The following PITRM1 variants were observed in gnomAD, a reference collection of about 807,000 sequenced individuals.
PITRM1 encodes presequence protease, mitochondrial.
A neutral mutation model predicts 129.9 loss-of-function variants in PITRM1; 100 were observed. The observed-to-expected ratio is 0.77, with a 90% confidence interval of 0.65 to 0.91. The LOEUF (loss-of-function observed/expected upper bound fraction) is 0.91. Among genes scored for constraint, PITRM1 ranks in the 40% least tolerant of loss-of-function variants. PITRM1 has a pLI of 0.00. For missense variants in PITRM1, 1,471 were observed against 1,318.3 expected (o/e 1.12, Z -1.79); for synonymous variants, 591 against 508.8 (o/e 1.16, Z -2.17).
intron 23 of PITRM1, among the ~76,000 whole-genome samples, 160 bp from the exon 24 acceptor site, chr10:3,140,972 T>C (rs1042921757): frequency 1.3e-5 from 2 of 152,238 alleles, no homozygotes; most frequent in Non-Finnish European, 2.9e-5. Context: ...AGATGGGGTC[T>C]CGCTCTGTCG....
At chr10:3,160,602 C>T (rs778634215) in intron 7 of PITRM1, among the ~76,000 whole-genome samples, 7 of 152,014 alleles carry the variant, frequency 4.6e-5, no homozygotes, top group African/African-American at 7.2e-5. Context: ...TTTATAAATT[C>T]AACGTTCATT....
intron 4 of PITRM1, 82 bp from the exon 5 acceptor site, chr10:3,165,609 T>A: frequency 1.2e-6 from 1 of 844,530 alleles, no homozygotes; most frequent in Non-Finnish European, 2.0e-6. Context: ...ATTCCCCCTT[T>A]GTCCTAGGAC....
intron 6 of PITRM1, among the ~76,000 whole-genome samples, chr10:3,165,030 T>G (rs1842742810): frequency 6.6e-6 from 1 of 152,080 alleles, no homozygotes; most frequent in Admixed American, 6.5e-5. Flanking sequence ...ATACCAGGGG[T>G]CCCCAGACAT....
intron 14 of PITRM1, 99 bp from the exon 15 acceptor site, chr10:3,151,462 G>A (rs996179056): frequency 3.6e-5 from 27 of 748,198 alleles, no homozygotes; most frequent in Middle Eastern, 5.6e-4. Flanking sequence ...AGAATTAGCC[G>A]TCCACGCCAA....
intron 7 of PITRM1, among the ~76,000 whole-genome samples, chr10:3,161,885 C>A (rs1028082346): frequency 1.3e-5 from 2 of 151,344 alleles, no homozygotes; most frequent in African/African-American, 2.4e-5. Context: ...AAAGAACTCT[C>A]TTCTCCATGT....
intron 16 of PITRM1, chr10:3,148,744 C>T (rs1841188488): frequency 6.4e-6 from 1 of 156,898 alleles, no homozygotes; most frequent in Admixed American, 6.2e-5. Flanking sequence ...TTAAGAAAAG[C>T]AGTTTCCTCT....
chr10:3,160,016 T>C (rs1842316816), intron 8 of PITRM1, 80 bp from the exon 9 acceptor site: 6 of 1,259,306 alleles, frequency 4.8e-6, no homozygotes, highest in South Asian at 2.6e-5. Flanking sequence ...ATACACGAAA[T>C]GGAGCGAAAC....
rs377486888 is a variant in PITRM1, at chr10:3,147,540, G to A, written c.2235+32C>T. ...TAACTCTGGAATATGTGGCTAAACC[G>A]GAGTAATAGAGGTTCCTTCCAAGCT... On this transcript the variant is annotated intron_variant, in intron 19 of 26. Coordinates refer to ENST00000224949, the MANE Select transcript of PITRM1 (RefSeq NM_014889.4). The A allele has an allele frequency of 1.8e-4, 282 of 1,604,882 alleles. 1 individual carries two copies. In the African/African-American group the frequency reaches 3.0e-3, roughly 17 times the overall value.
intron 9 of PITRM1, 125 bp downstream of exon 9, chr10:3,159,723 C>T (rs1392326879): frequency 1.8e-6 from 1 of 570,478 alleles, no homozygotes; most frequent in Non-Finnish European, 3.1e-6. Context: ...CTAAAATCCA[C>T]TTAACCCCTG....
chr10:3,141,320 A>G (rs1564384660), intron 23 of PITRM1, among the ~76,000 whole-genome samples: 1 of 152,216 alleles, frequency 6.6e-6, no homozygotes, highest in Non-Finnish European at 1.5e-5. Context: ...TGGGGAGGGA[A>G]TCTTAACACT....
At chr10:3,164,982 G>A (rs1842739802) in intron 6 of PITRM1, among the ~76,000 whole-genome samples, 2 of 152,192 alleles carry the variant, frequency 1.3e-5, no homozygotes, top group Non-Finnish European at 2.9e-5. Flanking sequence ...GTAGTGGTAT[G>A]AAAATAGCTT....
intron 15 of PITRM1, among the ~76,000 whole-genome samples, chr10:3,150,824 C>T (rs1309340487): frequency 2.6e-5 from 4 of 152,158 alleles, no homozygotes; most frequent in Non-Finnish European, 4.4e-5. Context: ...TCTCCAACTT[C>T]CTTTCAACTC....
Position 3,159,928 on chromosome 10 carries a change from G to C in PITRM1, c.927C>G (p.Phe309Leu), listed in dbSNP as rs771041044. The change falls in exon 9 of 27, where the codon TTC becomes TTG. Residue 309 changes from phenylalanine (F) to leucine (L), a missense_variant. By Grantham distance (22) the Phe-to-Leu change is conservative (BLOSUM62 0). Coordinates refer to ENST00000224949, the MANE Select transcript of PITRM1 (RefSeq NM_014889.4). ...AQTPWDKPREFQITCGPDSFA... is the reference protein window; with the variant it reads ...AQTPWDKPRELQITCGPDSFA... ...ATGAATCCGGGCCACATGTTATCTG[G>C]AATTCCCTCTGTAAAATGACGTGAC... 12 of 1,596,724 alleles carry C rather than the reference G, an allele frequency of 7.5e-6. No homozygotes were observed. Among genetic ancestry groups the C allele is most frequent in the Admixed American group, 6.9e-5 (4 of 58,214 alleles).
chr10:3,163,647 C>G, intron 7 of PITRM1, 78 bp downstream of exon 7: 7 of 1,186,866 alleles, frequency 5.9e-6, no homozygotes, highest in Non-Finnish European at 8.3e-6. Context: ...GTGAGAGAAG[C>G]CATGCCATAA....
At chr10:3,144,102 TTC>T (rs1840575206) in intron 22 of PITRM1, 188 bp downstream of exon 22, 7 of 597,446 alleles carry the variant, frequency 1.2e-5, no homozygotes, top group South Asian at 1.0e-4. Context: ...CACCAGGGCC[TTC>T]ACTCAGTACT....
chr10:3,149,813 A>G (rs1284045402), intron 15 of PITRM1, 60 bp from the exon 16 acceptor site: 4 of 1,550,776 alleles, frequency 2.6e-6, no homozygotes, highest in Non-Finnish European at 3.6e-6. Context: ...ACCACTTGTA[A>G]TATTTAAAAA....
intron 14 of PITRM1, among the ~76,000 whole-genome samples, chr10:3,152,739 GCC>G (rs1841629305): frequency 6.6e-6 from 1 of 152,226 alleles, no homozygotes; most frequent in African/African-American, 2.4e-5. Flanking sequence ...CTGTGGCTTT[GCC>G]ACAAAGCTCC....
intron 14 of PITRM1, among the ~76,000 whole-genome samples, chr10:3,154,247 T>C (rs946347916): frequency 1.3e-5 from 2 of 152,174 alleles, no homozygotes; most frequent in African/African-American, 2.4e-5. Context: ...TTTGTAAGGA[T>C]GTATATGTTG....
At chr10:3,172,317 T>C (rs1588742725) in intron 1 of PITRM1, 3 of 498,514 alleles carry the variant, frequency 6.0e-6, no homozygotes, top group East Asian at 1.1e-4. Flanking sequence ...ACAGCGAGAC[T>C]TTAAGTATGG....
Sources: gnomAD v4.1 joint callset for allele counts (sites outside exome capture counted in the v4.1 genomes callset) on GRCh38, gnomAD v4.1.1 for gene constraint, MANE v1.5 for transcripts, NCBI Gene and HGNC (gene_info 2026-07-23, HGNC 2026-07-21) for gene names.